The following CLEC16A variants were observed in gnomAD, a reference collection of about 807,000 sequenced individuals.
CLEC16A encodes protein CLEC16A.
In CLEC16A, 51 loss-of-function variants were observed where a neutral mutation model predicts 109.5. The observed-to-expected ratio is 0.47, with a 90% CI of 0.37 to 0.59. The LOEUF (loss-of-function observed/expected upper bound fraction) is 0.59. Among genes scored for constraint, CLEC16A ranks in the 20% least tolerant of loss-of-function variants. The probability of loss-of-function intolerance (pLI) is 0.00; values close to 1 mark genes in which losing one functional copy is unlikely to be tolerated. For missense variants in CLEC16A, 1,339 were observed against 1,394.0 expected, an observed-to-expected ratio of 0.96 and a Z score of 0.63; for synonymous variants, 673 against 564.2, an observed-to-expected ratio of 1.19 and a Z score of -2.73.
At position 10,972,967 on chromosome 16, in the gene CLEC16A, C is replaced by G; in HGVS notation, c.634C>G (p.Arg212Gly). 1 of 1,610,936 alleles carries G rather than the reference C, an allele frequency of 6.2e-7. No individual in the cohort carries two copies. The highest frequency in any genetic ancestry group is 8.5e-7 in the Non-Finnish European group (1 of 1,179,070). ...TAACCAGGCCATGCTGCACTACATC[C>G]GAGATAAAACTGCTGTTCCTTACTT... ...LDNQAMLHYI[R>G]DKTAVPYFSN... is the part of the protein sequence containing the mutation. Residue 212 changes from arginine (R) to glycine (G), a missense_variant, in exon 7 of 24, where the codon CGA (arginine) becomes GGA (glycine). Transcript: ENST00000409790.
At chr16:11,139,622 T>A (rs2053730729) in intron 22 of CLEC16A, among the ~76,000 whole-genome samples, 1 of 152,322 alleles carries the variant, frequency 6.6e-6, no homozygotes, top group Admixed American at 6.5e-5. Flanking sequence ...CTGGATTGTT[T>A]TACTGTCTCT....
Position 10,969,157 on chromosome 16 carries a change from C to A in CLEC16A, c.344-4C>A. Reference sequence around the variant, plus strand: ...TAACCTGTTTTGTTTTTTTCTCCCTCTAGATTATTTGCTCTCAAATAACTA... The same window carrying A: ...TAACCTGTTTTGTTTTTTTCTCCCTATAGATTATTTGCTCTCAAATAACTA... On this transcript the variant is annotated splice_polypyrimidine_tract_variant and splice_region_variant and intron_variant, in intron 3 of 23. Transcript: ENST00000409790. 6.2e-7 allele frequency: 1 copy of A among 1,604,934 alleles called. No individual in the cohort carries two copies. The highest frequency in any genetic ancestry group is 8.5e-7 in the Non-Finnish European group (1 of 1,176,240).
chr16:11,058,067 G>T (rs985539637), intron 18 of CLEC16A, among the ~76,000 whole-genome samples: 3 of 152,208 alleles, frequency 2.0e-5, no homozygotes, highest in Non-Finnish European at 4.4e-5. Context: ...TTACAGAGTT[G>T]TGGGGCTGCC....
At chr16:10,962,414 T>C (rs557067097) in intron 2 of CLEC16A, 41 bp from the exon 3 acceptor site, 4 of 1,613,038 alleles carry the variant, frequency 2.5e-6, no homozygotes, top group East Asian at 2.2e-5. Flanking sequence ...TGTTTCCACA[T>C]GTGGAAGCAA....
intron 19 of CLEC16A, among the ~76,000 whole-genome samples, chr16:11,093,916 G>C (rs1301744081): frequency 1.3e-5 from 2 of 152,168 alleles, no homozygotes; most frequent in Middle Eastern, 3.2e-3. Flanking sequence ...AGTGACCCAA[G>C]CCACGGTGCG....
intron 10 of CLEC16A, among the ~76,000 whole-genome samples, chr16:10,985,227 A>G (rs2043570387): frequency 6.9e-6 from 1 of 144,482 alleles, no homozygotes; most frequent in Non-Finnish European, 1.5e-5. Context: ...AAAAATATAT[A>G]TATATATATA....
intron 12 of CLEC16A, 180 bp from the exon 13 acceptor site, chr16:11,024,641 C>T (rs1403161770): frequency 7.3e-6 from 4 of 548,298 alleles, no homozygotes; most frequent in Non-Finnish European, 1.3e-5. Flanking sequence ...ATAGCGGCTT[C>T]CGCAGGCAGA....
chr16:11,031,031 T>C (rs2046712381), intron 13 of CLEC16A, among the ~76,000 whole-genome samples: 3 of 152,338 alleles, frequency 2.0e-5, no homozygotes, highest in South Asian at 4.1e-4. Flanking sequence ...TTTTTTAATC[T>C]CCATGAGGTT....
At position 11,075,378 on chromosome 16, in the gene CLEC16A, CTGTGTGTG is replaced by C. The variant is rs373865850; in HGVS notation, c.2116+14382_2116+14389del. Among the ~76,000 whole-genome samples the C allele has an allele frequency of 5.8e-3, 784 of 134,670 alleles. 5 individuals carry two copies. The highest frequency in any genetic ancestry group is 8.6e-3 in the African/African-American group (303 of 35,198). 88.3% of individuals were successfully genotyped at this position (134,670 alleles called of 152,430 possible). On this transcript the variant is annotated intron_variant, in intron 19 of 23. Coordinates refer to ENST00000409790, the MANE Select transcript of CLEC16A (RefSeq NM_015226.3). The stretch of plus-strand genomic sequence containing the variant: ...CCCAGCACTGTGACCTTGGATATGT[CTGTGTGTG>C]TGTGTGTGTGTGTGTGTGTGTGTGT...
At chr16:11,030,499 G>A (rs1467569562) in intron 13 of CLEC16A, among the ~76,000 whole-genome samples, 1 of 152,086 alleles carries the variant, frequency 6.6e-6, no homozygotes, top group Non-Finnish European at 1.5e-5. Flanking sequence ...ATCTTAATTT[G>A]CATATCCCTA....
chr16:11,003,905 G>A (rs556684262), intron 11 of CLEC16A, among the ~76,000 whole-genome samples: 4 of 151,236 alleles, frequency 2.6e-5, no homozygotes, highest in Admixed American at 2.0e-4. Context: ...AAGCCAAGGT[G>A]GGAGGATCAC....
At chr16:10,952,142 ATTG>A (rs1406117096) in intron 1 of CLEC16A, among the ~76,000 whole-genome samples, 2 of 152,228 alleles carry the variant, frequency 1.3e-5, no homozygotes, top group East Asian at 3.8e-4. Flanking sequence ...TTTCTCTTTC[ATTG>A]TTGTCAAAGT....
chr16:11,003,749 C>G (rs1309139735), intron 11 of CLEC16A, among the ~76,000 whole-genome samples: 1 of 152,140 alleles, frequency 6.6e-6, no homozygotes, highest in East Asian at 1.9e-4. Flanking sequence ...TATCTTTATC[C>G]TTATTACTGA....
chr16:10,973,142 C>T (rs1288308911), intron 7 of CLEC16A, 81 bp downstream of exon 7: 26 of 1,477,164 alleles, frequency 1.8e-5, no homozygotes, highest in Non-Finnish European at 2.3e-5. Flanking sequence ...GAAAAATAAA[C>T]ACAAGAACCG....
At chr16:11,172,049 C>T (rs1226118492) in intron 23 of CLEC16A, among the ~76,000 whole-genome samples, 1 of 152,104 alleles carries the variant, frequency 6.6e-6, no homozygotes, top group Non-Finnish European at 1.5e-5. Context: ...CACTCCCACA[C>T]ACATACATGC....
At chr16:11,025,136 A>C (rs2046337417) in intron 13 of CLEC16A, among the ~76,000 whole-genome samples, 1 of 152,108 alleles carries the variant, frequency 6.6e-6, no homozygotes, top group Non-Finnish European at 1.5e-5. Flanking sequence ...GGAATTGGTT[A>C]CTCAGGCAAT....
At chr16:10,956,479 G>A (rs2041992979) in intron 1 of CLEC16A, among the ~76,000 whole-genome samples, 1 of 152,082 alleles carries the variant, frequency 6.6e-6, no homozygotes, top group South Asian at 2.1e-4. Context: ...GGAGAGGAGG[G>A]CCCTTTTCCT....
intron 7 of CLEC16A, among the ~76,000 whole-genome samples, chr16:10,973,507 C>T (rs1181402127): frequency 2.6e-5 from 4 of 152,120 alleles, no homozygotes; most frequent in Admixed American, 6.6e-5. Context: ...AAAGTAGATT[C>T]GTGGTTTCCT....
intron 22 of CLEC16A, chr16:11,126,519 CG>C: frequency 1.2e-6 from 1 of 802,694 alleles, no homozygotes; most frequent in Non-Finnish European, 1.8e-6. Flanking sequence ...TGTTTGGTTC[CG>C]GTTACAACCC....
Sources: allele counts gnomAD v4.1 joint callset (sites outside exome capture counted in the v4.1 genomes callset), GRCh38; gene constraint gnomAD v4.1.1; transcripts MANE v1.5; gene names NCBI Gene and HGNC (gene_info 2026-07-23, HGNC 2026-07-21).